Variants in CD4 observed in about 807,000 individuals in gnomAD.
CD4 encodes the protein T-cell surface glycoprotein CD4.
A neutral mutation model predicts 50.5 loss-of-function variants in CD4; 25 were observed. That is an observed-to-expected ratio of 0.49 (90% CI 0.36 to 0.69). The LOEUF (loss-of-function observed/expected upper bound fraction) is 0.69. Ranked by LOEUF, CD4 falls within the 30% of genes least tolerant of loss-of-function variation. The pLI, the probability that CD4 is intolerant of heterozygous loss-of-function variation, is 0.00. For synonymous variants in CD4, 207 were observed against 221.9 expected (o/e 0.93, Z 0.60); for missense variants, 456 against 548.5 (o/e 0.83, Z 1.68).
At chr12:6,807,188 C>CA (rs55729979) in intron 3 of CD4, among the ~76,000 whole-genome samples, 152,117 of 152,132 alleles carry the variant, frequency 1, 76,051 homozygotes, top group Middle Eastern at 1. Flanking sequence ...AACAAACAAA[C>CA]AAAAAACATG....
intron 1 of CD4, among the ~76,000 whole-genome samples, chr12:6,795,233 A>G (rs1942341576): frequency 6.6e-6 from 1 of 152,000 alleles, no homozygotes; most frequent in Non-Finnish European, 1.5e-5. Context: ...TACCTAATCT[A>G]TCAATCTATC....
At position 6,819,482 on chromosome 12, in the gene CD4, C is replaced by T. The variant is rs201985731; in HGVS notation, c.*153C>T. On this transcript the variant is annotated 3_prime_UTR_variant, in exon 10 of 10. Transcript: ENST00000011653. ...CCATTGTTTCTCCTGGGTTAGGCCC[C>T]GGCTTCACTGGTTGAGTGTTGCTCT... is the stretch of plus-strand genomic sequence containing the variant. 13 of 710,268 alleles carry T rather than the reference C, an allele frequency of 1.8e-5. No individual in the cohort carries two copies. Among genetic ancestry groups the T allele is most frequent in the African/African-American group, 1.1e-4 (6 of 56,872 alleles). 44.0% of individuals were successfully genotyped at this position (710,268 alleles called of 1,614,324 possible). A position where few individuals can be genotyped will look rare whatever the true frequency, so the allele number is the denominator to read the frequency against.
rs141839840 is a variant in CD4 at position 6,792,801 on chromosome 12, G to A, written c.-68+3139G>A. On this transcript the variant is annotated intron_variant, in intron 1 of 9. Transcript: ENST00000011653. The surrounding 1 kb of genome is among the most constrained non-coding windows in gnomAD (Gnocchi z 4.1). ...GCTGAAAAAGGAGAAGAGGCAAGGG[G>A]CATTCCAGGGGAGCCCGGGAGAGCC... Among the ~76,000 whole-genome samples the A allele has an allele frequency of 1.2e-4, 18 of 152,326 alleles. No homozygotes were observed. Among genetic ancestry groups the A allele is most frequent in the Non-Finnish European group, 1.9e-4 (13 of 68,036 alleles).
Position 6,818,531 on chromosome 12 carries a change from C to CGGCA in CD4, c.1268_1271dup (p.His424GlnfsTer19). On this transcript the variant is annotated frameshift_variant, in exon 8 of 10. Coordinates refer to ENST00000011653, the MANE Select transcript of CD4 (RefSeq NM_000616.5). LOFTEE classifies it high-confidence loss of function. The surrounding 1 kb of genome is among the most constrained non-coding windows in gnomAD (Gnocchi z 5.0). ...AGGCATCTTCTTCTGTGTCAGGTGC[C>CGGCA]GGCACCGAAGGGTGAGTAACCCCAC... 6.2e-7 allele frequency: 1 copy of CGGCA among 1,612,880 alleles called. No homozygotes were observed. The highest frequency in any genetic ancestry group is 1.1e-5 in the South Asian group (1 of 91,076).
At chr12:6,810,824 G>T (rs1408971687) in intron 3 of CD4, among the ~76,000 whole-genome samples, 1 of 113,508 alleles carries the variant, frequency 8.8e-6, no homozygotes, top group Non-Finnish European at 2.0e-5. Context: ...CAGCAAGTAG[G>T]GCAGGAACCA....
At chr12:6,812,767 ATTTTTGTGTGTG>A (rs71067141) in intron 3 of CD4, among the ~76,000 whole-genome samples, 41,659 of 144,346 alleles carry the variant, frequency 0.29, 6,474 homozygotes, top group Non-Finnish European at 0.35. Flanking sequence ...AACCAAGGTT[ATTTTTGTGTGTG>A]TGTGTGTGTG....
intron 1 of CD4, among the ~76,000 whole-genome samples, chr12:6,797,721 C>T (rs1942413601): frequency 6.6e-6 from 1 of 152,132 alleles, no homozygotes; most frequent in Non-Finnish European, 1.5e-5. Flanking sequence ...CCTGGATGTG[C>T]TAGATTTATG....
At position 6,801,225 on chromosome 12, in the gene CD4, A is replaced by T. The variant is rs115711535; in HGVS notation, c.214+754A>T. 4.3e-3 allele frequency among the ~76,000 whole-genome samples: 626 copies of T among 144,568 alleles called. 5 individuals carry two copies. Among genetic ancestry groups the T allele is most frequent in the African/African-American group, 0.014 (577 of 39,928 alleles). The allele number at this position is 144,568 out of a possible 152,430, so 94.8% of individuals were successfully genotyped here. On this transcript the variant is annotated intron_variant, in intron 3 of 9. Transcript: ENST00000011653. ...CTAGCCAAAAAAAATTTTTTTAATT[A>T]AAAAAAAAAAGGCCGGCTGTAGTGG... is the stretch of plus-strand genomic sequence containing the variant.
rs868973326 is a variant in CD4, at chr12:6,810,718, C to T, written c.215-3424C>T. 1.2e-4 allele frequency among the ~76,000 whole-genome samples: 19 copies of T among 152,196 alleles called. 1 individual carries two copies. Among genetic ancestry groups the T allele is most frequent in the Middle Eastern group, 6.8e-3 (2 of 294 alleles). ...AGTGGGGCAGAACCAGAGTAGGCCA[C>T]GCTTTTAAGAAGTTTGGTAAAGGAA... On this transcript the variant is annotated intron_variant, in intron 3 of 9. Transcript: ENST00000011653.
chr12:6,794,036 C>T (rs1336069371), intron 1 of CD4, among the ~76,000 whole-genome samples: 1 of 144,972 alleles, frequency 6.9e-6, no homozygotes, highest in African/African-American at 2.5e-5. Context: ...CTATATCTGT[C>T]TATCTATCTT....
chr12:6,812,137 C>T (rs1942957574), intron 3 of CD4, among the ~76,000 whole-genome samples: 1 of 152,128 alleles, frequency 6.6e-6, no homozygotes, highest in African/African-American at 2.4e-5. Context: ...CAGTGGCTCA[C>T]ACCTGCAATC....
intron 3 of CD4, among the ~76,000 whole-genome samples, chr12:6,803,017 G>A (rs1178283548): frequency 6.6e-6 from 1 of 152,136 alleles, no homozygotes; most frequent in Non-Finnish European, 1.5e-5. Context: ...ACAGGTGTGA[G>A]CCACCGCACT....
chr12:6,811,554 G>A (rs1391409302), intron 3 of CD4, among the ~76,000 whole-genome samples: 12 of 133,148 alleles, frequency 9.0e-5, no homozygotes, highest in African/African-American at 3.2e-4. Flanking sequence ...GTGCAGTGGC[G>A]TGATCTTGGC....
chr12:6,814,015 T>G, intron 3 of CD4, 127 bp from the exon 4 acceptor site: 1 of 804,858 alleles, frequency 1.2e-6, no homozygotes, highest in Non-Finnish European at 2.0e-6. Context: ...GTTTCTCTGA[T>G]TAGAACGAGG....
chr12:6,818,999 G>C lies in CD4; in HGVS notation c.1346+85G>C, dbSNP rs1333775477. The C allele has an allele frequency of 2.6e-6, 2 of 773,084 alleles. No homozygotes were observed. Among genetic ancestry groups the C allele is most frequent in the African/African-American group, 1.8e-5 (1 of 54,540 alleles). 47.9% of individuals were successfully genotyped at this position (773,084 alleles called of 1,614,324 possible). A position where few individuals can be genotyped will look rare whatever the true frequency, so the allele number is the denominator to read the frequency against. The stretch of plus-strand genomic sequence containing the variant: ...AGGAGGGGGAGGAAGGGGAGCAAAG[G>C]GGGGCAGGAAGGGAGGATGGAGAGG... On this transcript the variant is annotated intron_variant, in intron 9 of 9. Coordinates refer to ENST00000011653, the MANE Select transcript of CD4 (RefSeq NM_000616.5). This position sits in a 1 kb window ranked among gnomAD's most constrained non-coding sequence, Gnocchi z 5.0.
chr12:6,794,796 T>TTTTTTTTTTTTTTTTTTTA (rs1942319863), intron 1 of CD4, among the ~76,000 whole-genome samples: 1 of 141,674 alleles, frequency 7.1e-6, no homozygotes, highest in Admixed American at 7.1e-5. Flanking sequence ...GTTTTTTTTT[T>TTTTTTTTTTTTTTTTTTTA]TTTTTTGAGA....
At position 6,800,105 on chromosome 12, in the gene CD4, G is replaced by A; in HGVS notation, c.-34G>A. ...ATTTCTGTGGGCTCAGGTCCCTACT[G>A]GCTCAGGCCCCTGCCTCCCTCGGCA... On this transcript the variant is annotated 5_prime_UTR_variant, in exon 2 of 10. Coordinates refer to ENST00000011653, the MANE Select transcript of CD4 (RefSeq NM_000616.5). The A allele has an allele frequency of 6.2e-7, 1 of 1,608,738 alleles. No individual in the cohort carries two copies. Among genetic ancestry groups the A allele is most frequent in the Non-Finnish European group, 8.5e-7 (1 of 1,175,384 alleles).
chr12:6,805,571 A>AAAAG (rs1555116033), intron 3 of CD4, among the ~76,000 whole-genome samples: 24 of 151,856 alleles, frequency 1.6e-4, no homozygotes, highest in African/African-American at 5.6e-4. Flanking sequence ...CCGAAAAAAA[A>AAAAG]AAAAAGAAAA....
intron 1 of CD4, among the ~76,000 whole-genome samples, chr12:6,796,824 G>T (rs1942389164): frequency 6.6e-6 from 1 of 152,126 alleles, no homozygotes; most frequent in Non-Finnish European, 1.5e-5. Context: ...TCTGGCCTGG[G>T]TGACAGAGTG....
Sources: allele counts gnomAD v4.1 joint callset (sites outside exome capture counted in the v4.1 genomes callset), GRCh38; gene constraint gnomAD v4.1.1; non-coding constraint Gnocchi (gnomAD v3.1); transcripts MANE v1.5; gene names NCBI Gene and HGNC (gene_info 2026-07-23, HGNC 2026-07-21).